Variants in BORCS7 observed in about 807,000 individuals in gnomAD.
BORCS7 encodes BLOC-1-related complex subunit 7.
BORCS7 carries 20 observed loss-of-function variants against 17.5 expected under a neutral mutation model. The observed-to-expected ratio is 1.14, with a 90% CI of 0.80 to 1.66. The LOEUF is 1.66. Ranked by LOEUF, BORCS7 falls within the 40% of genes most tolerant of loss-of-function variation. BORCS7 has a pLI of 0.00. For missense variants in BORCS7, 122 were observed against 129.7 expected, an observed-to-expected ratio of 0.94 and a Z score of 0.29; for synonymous variants, 57 against 49.8, an observed-to-expected ratio of 1.14 and a Z score of -0.61.
At position 102,863,289 on chromosome 10, in the gene BORCS7, C is replaced by T. The variant is rs970419286; in HGVS notation, c.*365C>T. 1.0e-4 allele frequency: 16 copies of T among 160,166 alleles called. No homozygotes were observed. The highest frequency in any genetic ancestry group is 5.3e-4 in the East Asian group (3 of 5,670). The allele number at this position is 160,166 out of a possible 1,614,324, so 9.9% of individuals were successfully genotyped here. The stretch of plus-strand genomic sequence containing the variant: ...GGTGGAGGTTGCAGTGAGCCAAGAT[C>T]GCGCCACTGCACTCCAGCCTGGGCG... On this transcript the variant is annotated 3_prime_UTR_variant, in exon 5 of 5. Coordinates refer to ENST00000339834, the MANE Select transcript of BORCS7 (RefSeq NM_001136200.2).
intron 3 of BORCS7, among the ~76,000 whole-genome samples, chr10:102,861,053 C>T (rs928884082): frequency 4.6e-5 from 7 of 152,152 alleles, no homozygotes; most frequent in Admixed American, 4.6e-4. Context: ...TTATAATTTG[C>T]TCTTCATCTT....
intron 1 of BORCS7, chr10:102,854,634 C>G: frequency 2.1e-6 from 1 of 482,130 alleles, no homozygotes; most frequent in Non-Finnish European, 3.4e-6. Context: ...GGGGAAGAAG[C>G]GATGCCATGG....
chr10:102,862,799 T>C, intron 4 of BORCS7, 74 bp from the exon 5 acceptor site: 1 of 1,419,526 alleles, frequency 7.0e-7, no homozygotes, highest in Non-Finnish European at 9.9e-7. Context: ...AAAAAAAAAT[T>C]TGTAAATAGT....
chr10:102,860,219 G>T, intron 1 of BORCS7, 113 bp from the exon 2 acceptor site: 1 of 815,262 alleles, frequency 1.2e-6, no homozygotes, highest in Non-Finnish European at 2.0e-6. Context: ...GTTTGTGGTT[G>T]TATAGGGTGG....
chr10:102,854,589 CAGT>C, intron 1 of BORCS7, 162 bp downstream of exon 1: 1 of 859,978 alleles, frequency 1.2e-6, no homozygotes, highest in South Asian at 2.0e-5. Flanking sequence ...CTGGGGTGTG[CAGT>C]CTCTTTGGTT....
intron 4 of BORCS7, 138 bp from the exon 5 acceptor site, chr10:102,862,735 G>GCC: frequency 1.4e-6 from 1 of 700,050 alleles, no homozygotes; most frequent in Non-Finnish European, 2.4e-6. Flanking sequence ...GATTGCTTGA[G>GCC]CCCAGAGTTT....
chr10:102,855,445 C>G (rs1179062792), intron 1 of BORCS7, among the ~76,000 whole-genome samples: 1 of 152,028 alleles, frequency 6.6e-6, no homozygotes, highest in Non-Finnish European at 1.5e-5. Flanking sequence ...CGTGAGCCAC[C>G]GCTCCTGGCA....
intron 3 of BORCS7, among the ~76,000 whole-genome samples, chr10:102,861,614 G>A (rs1406871249): frequency 1.3e-5 from 2 of 152,092 alleles, no homozygotes; most frequent in Non-Finnish European, 2.9e-5. Flanking sequence ...CTACTCGGGA[G>A]GCTGAGGCAG....
intron 1 of BORCS7, 126 bp downstream of exon 1, chr10:102,854,553 T>C: frequency 8.3e-7 from 1 of 1,201,238 alleles, no homozygotes; most frequent in Non-Finnish European, 1.1e-6. Flanking sequence ...TGAGTAGGTC[T>C]TCTTCGCGGA....
intron 1 of BORCS7, among the ~76,000 whole-genome samples, chr10:102,856,712 A>C (rs887501876): frequency 6.6e-5 from 10 of 152,258 alleles, no homozygotes; most frequent in African/African-American, 2.2e-4. Context: ...TTTTAAAGAA[A>C]GCAAAACTAG....
Position 102,854,311 on chromosome 10 carries a change from T to A in BORCS7, c.25T>A (p.Ser9Thr), listed in dbSNP as rs1402181974. The A allele has an allele frequency of 3.1e-6, 5 of 1,604,512 alleles. No homozygotes were observed. The South Asian group carries it at 4.5e-5, about 14-fold the overall frequency. Reference sequence around the variant, plus strand: ...AATGATGGCGACTGGAACGCCAGAGTCTCAAGCGCGGTTCGGTCAGTCCGT... The same window carrying A: ...AATGATGGCGACTGGAACGCCAGAGACTCAAGCGCGGTTCGGTCAGTCCGT... MMATGTPESQARFGQSVKG... is the reference protein window; with the variant it reads MMATGTPETQARFGQSVKG... Residue 9 changes from serine to threonine, a missense_variant, in exon 1 of 5, where the codon TCT (serine) becomes ACT (threonine). By Grantham distance (58) the Ser-to-Thr change is moderately conservative. Transcript: ENST00000339834.
At chr10:102,861,761 T>G (rs570784631) in intron 3 of BORCS7, among the ~76,000 whole-genome samples, 350 of 151,780 alleles carry the variant, frequency 2.3e-3, no homozygotes, top group African/African-American at 7.4e-3. Context: ...ACAAACAAAA[T>G]ATATATATAT....
chr10:102,854,718 G>A lies in BORCS7; in HGVS notation c.141+291G>A, dbSNP rs570615313. Among the ~76,000 whole-genome samples, 13 of 151,804 alleles carry A rather than the reference G, an allele frequency of 8.6e-5. No homozygotes were observed. The South Asian group carries it at 2.7e-3, about 32-fold the overall frequency. ...ACCTGAGGTCGGGAGTTCGAAACTAGCCTGACAATCATGGAGAAACCCCCG... is the reference window on the plus strand; with the variant it reads ...ACCTGAGGTCGGGAGTTCGAAACTAACCTGACAATCATGGAGAAACCCCCG... On this transcript the variant is annotated intron_variant, in intron 1 of 4. Coordinates refer to ENST00000339834, the MANE Select transcript of BORCS7 (RefSeq NM_001136200.2).
At position 102,861,717 on chromosome 10, in the gene BORCS7, CAA is replaced by C. The variant is rs58320339; in HGVS notation, c.249-434_249-433del. ...CTGGCGACAGAGTGAGACTCTGTCT[CAA>C]AAAAAAAACAAAAAAACAAAAACAA... On this transcript the variant is annotated intron_variant, in intron 3 of 4. Coordinates refer to ENST00000339834, the MANE Select transcript of BORCS7 (RefSeq NM_001136200.2). Among the ~76,000 whole-genome samples, 607 of 144,186 alleles carry C rather than the reference CAA, an allele frequency of 4.2e-3. 7 individuals carry two copies. Among genetic ancestry groups the C allele is most frequent in the African/African-American group, 0.014 (547 of 38,810 alleles). 94.6% of individuals were successfully genotyped at this position (144,186 alleles called of 152,430 possible). A position where few individuals can be genotyped will look rare whatever the true frequency, so the allele number is the denominator to read the frequency against.
intron 4 of BORCS7, 91 bp from the exon 5 acceptor site, chr10:102,862,782 T>C (rs1202048988): frequency 2.6e-6 from 3 of 1,159,908 alleles, no homozygotes; most frequent in Non-Finnish European, 3.8e-6. Flanking sequence ...ACCCTGTCTG[T>C]AATGGAAAAA....
At chr10:102,855,306 G>A (rs1048449552) in intron 1 of BORCS7, among the ~76,000 whole-genome samples, 1 of 151,136 alleles carries the variant, frequency 6.6e-6, no homozygotes, top group Admixed American at 6.6e-5. Flanking sequence ...TTACAGGCAC[G>A]CACCACCACA....
At chr10:102,855,934 G>T (rs1322357973) in intron 1 of BORCS7, among the ~76,000 whole-genome samples, 1 of 152,058 alleles carries the variant, frequency 6.6e-6, no homozygotes, top group African/African-American at 2.4e-5. Flanking sequence ...GCTAATTTTT[G>T]TGTTTTTAGT....
At chr10:102,861,529 C>T (rs1844520205) in intron 3 of BORCS7, among the ~76,000 whole-genome samples, 1 of 151,448 alleles carries the variant, frequency 6.6e-6, no homozygotes, top group African/African-American at 2.4e-5. Flanking sequence ...TTAGCCTGGC[C>T]AACACGGCAA....
chr10:102,858,478 C>T (rs1048252032), intron 1 of BORCS7, among the ~76,000 whole-genome samples: 1 of 151,822 alleles, frequency 6.6e-6, no homozygotes, highest in Non-Finnish European at 1.5e-5. Flanking sequence ...AGTGAAACCT[C>T]GTCTCTACTA....
Sources: gnomAD v4.1 joint callset for allele counts (sites outside exome capture counted in the v4.1 genomes callset) on GRCh38, gnomAD v4.1.1 for gene constraint, MANE v1.5 for transcripts, NCBI Gene and HGNC (gene_info 2026-07-23, HGNC 2026-07-21) for gene names.